ULK4: variants seen among roughly 807,000 people sequenced by gnomAD.
ULK4 encodes the protein inactive serine/threonine-protein kinase ULK4.
A neutral mutation model predicts 160.6 loss-of-function variants in ULK4; 133 were observed. The ratio of observed to expected loss-of-function variants is 0.83; its 90% CI spans 0.72 to 0.96. The LOEUF (loss-of-function observed/expected upper bound fraction) is 0.96, where lower values mean the gene tolerates loss of function less well. Among genes scored for constraint, ULK4 ranks in the 40% least tolerant of loss-of-function variants. ULK4 has a pLI of 0.00. For synonymous variants in ULK4, 534 were observed against 539.8 expected (o/e 0.99, Z 0.15); for missense variants, 1,580 against 1,499.5 (o/e 1.05, Z -0.89).
chr3:41,621,308 A>G (rs2033235165), intron 30 of ULK4, among the ~76,000 whole-genome samples: 1 of 152,174 alleles, frequency 6.6e-6, no homozygotes, highest in South Asian at 2.1e-4. Context: ...TAGAGCCAAG[A>G]CAATCCTAAG....
chr3:41,801,322 TGAAAAA>T (rs1190611089), intron 19 of ULK4, among the ~76,000 whole-genome samples: 3 of 151,652 alleles, frequency 2.0e-5, no homozygotes, highest in Admixed American at 6.6e-5. Flanking sequence ...AAATAAGACT[TGAAAAA>T]GAAAAAAGAA....
intron 35 of ULK4, among the ~76,000 whole-genome samples, chr3:41,292,495 A>G (rs540191261): frequency 6.6e-6 from 1 of 152,234 alleles, no homozygotes; most frequent in East Asian, 1.9e-4. Flanking sequence ...AAATACAAAA[A>G]ATTAGCTGGG....
intron 35 of ULK4, among the ~76,000 whole-genome samples, chr3:41,392,059 T>C (rs2081969165): frequency 6.6e-6 from 1 of 152,108 alleles, no homozygotes; most frequent in Non-Finnish European, 1.5e-5. Flanking sequence ...ATATTTTGAG[T>C]GTTGGAGTAA....
intron 30 of ULK4, among the ~76,000 whole-genome samples, chr3:41,653,739 T>G (rs1002265614): frequency 6.6e-6 from 1 of 152,212 alleles, no homozygotes; most frequent in African/African-American, 2.4e-5. Flanking sequence ...TTTAAAAATG[T>G]AAACACCACT....
At chr3:41,463,037 G>A (rs986970326) in intron 33 of ULK4, 50 bp downstream of exon 33, 2 of 1,563,944 alleles carry the variant, frequency 1.3e-6, no homozygotes, top group African/African-American at 1.4e-5. Context: ...TGAAAGGGAA[G>A]CATGAAATGG....
At chr3:41,916,806 T>C (rs1314373837) in intron 7 of ULK4, among the ~76,000 whole-genome samples, 1 of 150,676 alleles carries the variant, frequency 6.6e-6, no homozygotes, top group Admixed American at 6.7e-5. Context: ...CTCCCAGGTA[T>C]ATGCGATTCT....
intron 32 of ULK4, among the ~76,000 whole-genome samples, chr3:41,551,684 C>T (rs993220343): frequency 6.6e-6 from 1 of 151,900 alleles, no homozygotes; most frequent in Non-Finnish European, 1.5e-5. Context: ...CCCAATTCTA[C>T]CAAACTTTCA....
intron 22 of ULK4, among the ~76,000 whole-genome samples, chr3:41,734,829 C>T (rs561850035): frequency 7.2e-5 from 11 of 152,298 alleles, no homozygotes; most frequent in African/African-American, 2.2e-4. Context: ...CCTTCAAAAA[C>T]CTCTTAACAG....
chr3:41,369,920 T>C (rs1185297881), intron 35 of ULK4, among the ~76,000 whole-genome samples: 1 of 152,096 alleles, frequency 6.6e-6, no homozygotes, highest in Admixed American at 6.5e-5. Context: ...AAAAAATCTA[T>C]TTTGCCACCC....
chr3:41,300,836 A>ATTATAT (rs2079773129), intron 35 of ULK4, among the ~76,000 whole-genome samples: 1 of 79,478 alleles, frequency 1.3e-5, no homozygotes, highest in East Asian at 4.3e-4. Context: ...CATTTTACAG[A>ATTATAT]TTATATATAT....
At chr3:41,289,010 G>A (rs1288044106) in intron 35 of ULK4, among the ~76,000 whole-genome samples, 1 of 152,220 alleles carries the variant, frequency 6.6e-6, no homozygotes, top group Non-Finnish European at 1.5e-5. Context: ...CACAGTGGGT[G>A]TGGAAGAGCT....
intron 30 of ULK4, among the ~76,000 whole-genome samples, chr3:41,656,489 C>G (rs1279951774): frequency 2.6e-5 from 4 of 152,126 alleles, no homozygotes; most frequent in Non-Finnish European, 5.9e-5. Flanking sequence ...TCTATCTCCT[C>G]CATTAAATAC....
chr3:41,726,491 T>C (rs566833671), intron 22 of ULK4, among the ~76,000 whole-genome samples: 1 of 152,374 alleles, frequency 6.6e-6, no homozygotes, highest in African/African-American at 2.4e-5. Flanking sequence ...ACAAGCGTTC[T>C]ACGAAAAGCA....
At chr3:41,489,821 A>AT (rs1178563402) in intron 32 of ULK4, among the ~76,000 whole-genome samples, 7 of 152,184 alleles carry the variant, frequency 4.6e-5, no homozygotes, top group African/African-American at 1.7e-4. Flanking sequence ...TAGTTACTAG[A>AT]TTTTAAACAT....
At chr3:41,758,116 T>A (rs751540058) in intron 21 of ULK4, among the ~76,000 whole-genome samples, 2 of 152,146 alleles carry the variant, frequency 1.3e-5, no homozygotes, top group Non-Finnish European at 2.9e-5. Context: ...TATTTACCCC[T>A]TCCAACATGT....
intron 32 of ULK4, among the ~76,000 whole-genome samples, chr3:41,559,165 T>C (rs1229662299): frequency 6.7e-6 from 1 of 149,618 alleles, no homozygotes; most frequent in Non-Finnish European, 1.5e-5. Flanking sequence ...CTGAGAATGA[T>C]GGTTTCCAGC....
intron 32 of ULK4, among the ~76,000 whole-genome samples, chr3:41,559,865 A>G (rs1258619805): frequency 1.3e-5 from 2 of 152,128 alleles, no homozygotes; most frequent in Non-Finnish European, 2.9e-5. Flanking sequence ...GAAGCTCTTT[A>G]GTTTAATTAG....
intron 22 of ULK4, among the ~76,000 whole-genome samples, chr3:41,739,728 GTCAACAAAGACTCCT>G (rs1202563433): frequency 6.6e-6 from 1 of 151,858 alleles, no homozygotes; most frequent in Non-Finnish European, 1.5e-5. Context: ...TTCTCCAAAT[GTCAACAAAGACTCCT>G]TCTCCAGCCA....
intron 32 of ULK4, among the ~76,000 whole-genome samples, chr3:41,486,127 A>G (rs2084521044): frequency 6.6e-6 from 1 of 152,068 alleles, no homozygotes; most frequent in South Asian, 2.1e-4. Context: ...AAGCATGTGC[A>G]CGTATCTCAT....
Sources: gnomAD v4.1 joint callset for allele counts (sites outside exome capture counted in the v4.1 genomes callset) on GRCh38, gnomAD v4.1.1 for gene constraint, MANE v1.5 for transcripts, NCBI Gene and HGNC (gene_info 2026-07-23, HGNC 2026-07-21) for gene names.